Variants in PAPSS2 observed in about 807,000 individuals in gnomAD.
The protein encoded by PAPSS2 is 3'-phosphoadenosine 5'-phosphosulfate synthase 2.
In PAPSS2, 61 loss-of-function variants were observed where a neutral mutation model predicts 66.5. The observed-to-expected ratio is 0.92, with a 90% CI of 0.75 to 1.14. The LOEUF (loss-of-function observed/expected upper bound fraction) is 1.14. PAPSS2 is among the 50% of genes most tolerant of loss of function. The pLI, the probability that PAPSS2 is intolerant of heterozygous loss-of-function variation, is 0.00. For missense variants in PAPSS2, 708 were observed against 789.6 expected, an observed-to-expected ratio of 0.90 and a Z score of 1.24; for synonymous variants, 289 against 287.5, an observed-to-expected ratio of 1.01 and a Z score of -0.05.
intron 1 of PAPSS2, chr10:87,660,293 C>A: frequency 1.7e-6 from 1 of 584,582 alleles, no homozygotes; most frequent in East Asian, 2.8e-5. Flanking sequence ...GGGTCCGGAT[C>A]TAGATCCAGG....
intron 1 of PAPSS2, among the ~76,000 whole-genome samples, chr10:87,665,369 G>A (rs923936840): frequency 2.0e-5 from 3 of 152,042 alleles, no homozygotes; most frequent in Non-Finnish European, 4.4e-5. Context: ...CTGCCACCAC[G>A]CCCGGCTAAC....
At position 87,666,863 on chromosome 10, in the gene PAPSS2, G is replaced by A. The variant is rs569429591; in HGVS notation, c.27+6855G>A. 5.5e-4 allele frequency among the ~76,000 whole-genome samples: 83 copies of A among 152,000 alleles called. No individual in the cohort carries two copies. The South Asian group carries it at 0.016, about 30-fold the overall frequency. On this transcript the variant is annotated intron_variant, in intron 1 of 12. Transcript: ENST00000456849. The stretch of plus-strand genomic sequence containing the variant: ...CATGCAGGGACTTGGAGGAGCTCTG[G>A]GGGCTGCTGAAACCCACCCTCTTTT...
At chr10:87,732,240 A>G (rs1202006771) in intron 9 of PAPSS2, among the ~76,000 whole-genome samples, 1 of 152,226 alleles carries the variant, frequency 6.6e-6, no homozygotes. Context: ...AGGTATTTTT[A>G]AATTAAGATA....
At chr10:87,713,943 T>C in intron 3 of PAPSS2, 101 bp from the exon 4 acceptor site, 10 of 1,219,536 alleles carry the variant, frequency 8.2e-6, no homozygotes, top group Non-Finnish European at 1.2e-5. Context: ...CAAACCCCAG[T>C]GTTATCTCAA....
At chr10:87,744,289 G>A (rs1853910064) in intron 11 of PAPSS2, among the ~76,000 whole-genome samples, 1 of 152,108 alleles carries the variant, frequency 6.6e-6, no homozygotes, top group African/African-American at 2.4e-5. Flanking sequence ...AGCTTCATTA[G>A]GAAAGGATAT....
intron 9 of PAPSS2, among the ~76,000 whole-genome samples, chr10:87,728,453 G>C (rs571255995): frequency 6.6e-6 from 1 of 152,282 alleles, no homozygotes; most frequent in South Asian, 2.1e-4. Flanking sequence ...TAAAAGGAGA[G>C]GCCAGGCTGG....
intron 1 of PAPSS2, among the ~76,000 whole-genome samples, chr10:87,687,063 C>T (rs1853098270): frequency 6.6e-6 from 1 of 152,154 alleles, no homozygotes; most frequent in Non-Finnish European, 1.5e-5. Flanking sequence ...TAAATCTGGT[C>T]ATTTTAACTA....
intron 1 of PAPSS2, among the ~76,000 whole-genome samples, chr10:87,665,267 A>AGTG (rs1181617907): frequency 5.5e-4 from 84 of 151,590 alleles, no homozygotes; most frequent in Admixed American, 2.6e-3. Context: ...GCTGGAGTGC[A>AGTG]GTGGCGTGAT....
Position 87,671,719 on chromosome 10 carries a change from C to T in PAPSS2, c.27+11711C>T, listed in dbSNP as rs541207774. 2.6e-5 allele frequency among the ~76,000 whole-genome samples: 4 copies of T among 152,158 alleles called. No homozygotes were observed. The East Asian group carries it at 7.7e-4, about 29-fold the overall frequency. On this transcript the variant is annotated intron_variant, in intron 1 of 12. Transcript: ENST00000456849. ...CACAGAATGTTAATATTTCGTGGTTCAGGGAGATTGTTTTATATACACAGC... is the reference window on the plus strand; with the variant it reads ...CACAGAATGTTAATATTTCGTGGTTTAGGGAGATTGTTTTATATACACAGC...
chr10:87,703,722 T>C (rs1329446408), intron 1 of PAPSS2: 2 of 518,782 alleles, frequency 3.9e-6, no homozygotes, highest in African/African-American at 1.9e-5. Flanking sequence ...GCTACTCCGA[T>C]GCATGCTACA....
At chr10:87,698,411 G>C (rs1245509779) in intron 1 of PAPSS2, among the ~76,000 whole-genome samples, 4 of 152,050 alleles carry the variant, frequency 2.6e-5, no homozygotes, top group African/African-American at 9.7e-5. Flanking sequence ...GTGTTGCCCA[G>C]TAACTTTGAC....
intron 7 of PAPSS2, among the ~76,000 whole-genome samples, chr10:87,720,504 G>T (rs1853580793): frequency 6.6e-6 from 1 of 152,190 alleles, no homozygotes; most frequent in African/African-American, 2.4e-5. Context: ...ACCAATTCAT[G>T]AAGGTTTGAG....
At chr10:87,702,611 A>C (rs1219589042) in intron 1 of PAPSS2, among the ~76,000 whole-genome samples, 1 of 152,234 alleles carries the variant, frequency 6.6e-6, no homozygotes, top group Non-Finnish European at 1.5e-5. Context: ...GGCCAAGTTA[A>C]AACAGGGCGG....
At chr10:87,674,886 G>T (rs763874358) in intron 1 of PAPSS2, among the ~76,000 whole-genome samples, 9 of 152,030 alleles carry the variant, frequency 5.9e-5, no homozygotes, top group Non-Finnish European at 1.5e-5. Flanking sequence ...ATCCATAGGC[G>T]ACCATAGGGG....
chr10:87,715,008 C>G lies in PAPSS2; in HGVS notation c.663C>G (p.Ile221Met). The G allele has an allele frequency of 6.2e-7, 1 of 1,611,278 alleles. No individual in the cohort carries two copies. ...QEQNIVPYTI[I>M]KDIHELFVPE... The stretch of plus-strand genomic sequence containing the variant: ...AGAACATTGTACCCTATACTATAAT[C>G]AAAGATATCCACGAACTCTTTGTGC... The change falls in exon 6 of 13, where the codon ATC becomes ATG. Residue 221 changes from isoleucine (I) to methionine (M), a missense_variant. By Grantham distance (10) the Ile-to-Met change is conservative (BLOSUM62 1). Coordinates refer to ENST00000456849, the MANE Select transcript of PAPSS2 (RefSeq NM_001015880.2).
At chr10:87,698,065 A>T (rs1472062184) in intron 1 of PAPSS2, among the ~76,000 whole-genome samples, 2 of 152,178 alleles carry the variant, frequency 1.3e-5, no homozygotes, top group South Asian at 2.1e-4. Flanking sequence ...GTCATGCGGA[A>T]TTTTTTTAAA....
At chr10:87,742,193 T>A (rs1018948658) in intron 10 of PAPSS2, among the ~76,000 whole-genome samples, 3 of 152,246 alleles carry the variant, frequency 2.0e-5, no homozygotes, top group Non-Finnish European at 4.4e-5. Flanking sequence ...TTTAAAATAT[T>A]CACTGATAGA....
At position 87,713,192 on chromosome 10, in the gene PAPSS2, A is replaced by G; in HGVS notation, c.263A>G (p.Asn88Ser). The change falls in exon 3 of 13, where the codon AAT becomes AGT. Residue 88 changes from asparagine (N) to serine (S), a missense_variant. Asn to Ser is a conservative substitution (Grantham distance 46, BLOSUM62 1). Transcript: ENST00000456849. Reference protein sequence around the residue: ...GDNVRHGLNRNLGFSPGDREE... With the variant: ...GDNVRHGLNRSLGFSPGDREE... ...AATGTCCGTCATGGCCTTAACAGAA[A>G]TCTCGGATTCTCTCCTGGGGACAGA... The G allele has an allele frequency of 1.2e-6, 2 of 1,613,094 alleles. No individual in the cohort carries two copies. Among genetic ancestry groups the G allele is most frequent in the East Asian group, 2.2e-5 (1 of 44,830 alleles).
chr10:87,715,899 TC>T, intron 7 of PAPSS2, 56 bp downstream of exon 7: 1 of 1,168,648 alleles, frequency 8.6e-7, no homozygotes, highest in Non-Finnish European at 1.3e-6. Context: ...AAAAAATCTT[TC>T]CCAGAAGTTT....
Sources: allele counts gnomAD v4.1 joint callset (sites outside exome capture counted in the v4.1 genomes callset), GRCh38; gene constraint gnomAD v4.1.1; transcripts MANE v1.5; gene names NCBI Gene and HGNC (gene_info 2026-07-23, HGNC 2026-07-21).